PCDHA2: variants seen among roughly 807,000 people sequenced by gnomAD.
The protein encoded by PCDHA2 is protocadherin alpha 2, also known as protocadherin alpha-2.
Under a neutral mutation model 66.0 loss-of-function variants are expected in PCDHA2, and 58 were observed. The ratio of observed to expected loss-of-function variants is 0.88; its 90% CI spans 0.71 to 1.09. PCDHA2 has a LOEUF of 1.09. PCDHA2 is among the 50% of genes least tolerant of loss of function. The pLI, the probability that PCDHA2 is intolerant of heterozygous loss-of-function variation, is 0.00. For missense variants in PCDHA2, 1,267 were observed against 1,242.3 expected, an observed-to-expected ratio of 1.02 and a Z score of -0.30; for synonymous variants, 634 against 554.0, an observed-to-expected ratio of 1.14 and a Z score of -2.03.
At chr5:140,870,019 A>C (rs371365026) in intron 1 of PCDHA2, 6 of 1,613,574 alleles carry the variant, frequency 3.7e-6, no homozygotes, top group Non-Finnish European at 5.1e-6. Context: ...GGTCAATGGA[A>C]CTTTAGATTA....
At chr5:140,864,945 C>A (rs2048665503) in intron 1 of PCDHA2, 1 of 152,120 alleles carries the variant, frequency 6.6e-6, no homozygotes, top group African/African-American at 2.4e-5. Flanking sequence ...GGCCTGTAAT[C>A]CCAGCATTTT....
chr5:140,906,137 G>C (rs1462672499), intron 1 of PCDHA2, among the ~76,000 whole-genome samples: 1 of 152,008 alleles, frequency 6.6e-6, no homozygotes, highest in East Asian at 1.9e-4. Context: ...AGTCTCCTTT[G>C]ATAACACCCT....
chr5:140,966,714 G>C, intron 1 of PCDHA2: 1 of 1,394,064 alleles, frequency 7.2e-7, no homozygotes, highest in South Asian at 1.6e-5. Flanking sequence ...GGCACGGCTG[G>C]GGAAGCTGCC....
At chr5:140,828,179 C>G (rs1377583653) in intron 1 of PCDHA2, 3 of 1,614,168 alleles carry the variant, frequency 1.9e-6, no homozygotes, top group Non-Finnish European at 2.5e-6. Context: ...GGGGAGCGGC[C>G]AGCTCCACTA....
rs2150380022 is a variant in PCDHA2, at chr5:140,845,577, T to A, written c.2388+48225T>A. 1.2e-4 allele frequency among the ~76,000 whole-genome samples: 18 copies of A among 149,706 alleles called. 1 individual carries two copies. The highest frequency in any genetic ancestry group is 6.9e-3 in the Middle Eastern group (2 of 290). On this transcript the variant is annotated intron_variant, in intron 1 of 3. Transcript: ENST00000526136. The stretch of plus-strand genomic sequence containing the variant: ...TTTTAGCTATTAAGAATTTCTGGGA[T>A]TGAAATGTGTCAGAAGTTAGTTATT...
At chr5:140,960,265 T>A (rs1380537220) in intron 1 of PCDHA2, among the ~76,000 whole-genome samples, 2 of 152,174 alleles carry the variant, frequency 1.3e-5, no homozygotes, top group African/African-American at 4.8e-5. Context: ...TTCTGATAAA[T>A]TCCGTCACCT....
intron 1 of PCDHA2, chr5:140,822,257 T>C (rs2150114908): frequency 4.3e-6 from 7 of 1,614,128 alleles, no homozygotes; most frequent in Non-Finnish European, 1.7e-6. Context: ...GATTTGGATA[T>C]TGGAGCAAAT....
intron 1 of PCDHA2, chr5:140,802,144 A>G (rs782702448): frequency 1.2e-6 from 2 of 1,614,262 alleles, no homozygotes; most frequent in African/African-American, 1.3e-5. Flanking sequence ...AGTAAGTCAT[A>G]TGAAATCCAG....
rs868938085 is a variant in PCDHA2, at chr5:140,882,236, T to C, written c.2388+84884T>C. On this transcript the variant is annotated intron_variant, in intron 1 of 3. Coordinates refer to ENST00000526136, the MANE Select transcript of PCDHA2 (RefSeq NM_018905.3). ...AGTTTGAGGTAAGGCGTTGTATATA[T>C]TGCAGATAGCTCTGAGGTTTTTGGA... 7.6e-6 allele frequency: 12 copies of C among 1,581,516 alleles called. 1 individual carries two copies. The Middle Eastern group carries it at 1.0e-3, about 134-fold the overall frequency.
intron 1 of PCDHA2, chr5:140,850,637 G>A: frequency 6.3e-7 from 1 of 1,598,640 alleles, no homozygotes; most frequent in Non-Finnish European, 8.6e-7. Flanking sequence ...TGGTTCTCAC[G>A]CTGCTGCTGT....
chr5:140,815,774 T>G (rs1765791650), intron 1 of PCDHA2: 1 of 152,220 alleles, frequency 6.6e-6, no homozygotes, highest in Admixed American at 6.5e-5. Context: ...AGTCTAATTG[T>G]GATCACCTTC....
chr5:140,855,887 C>A, intron 1 of PCDHA2: 1 of 985,610 alleles, frequency 1.0e-6, no homozygotes, highest in Non-Finnish European at 1.5e-6. Flanking sequence ...CTTTTTAGAA[C>A]AAAGGCATCA....
intron 1 of PCDHA2, chr5:140,802,493 G>A (rs782338316): frequency 1.2e-6 from 2 of 1,614,166 alleles, no homozygotes; most frequent in Admixed American, 1.7e-5. Context: ...ACGGGGGCTC[G>A]CCTTCACTGT....
intron 3 of PCDHA2, chr5:140,988,926 A>C (rs562175503): frequency 6.6e-6 from 1 of 152,238 alleles, no homozygotes; most frequent in Non-Finnish European, 1.5e-5. Flanking sequence ...ATAGAACAAC[A>C]CTGTTCTCTT....
At chr5:140,927,400 C>A in intron 1 of PCDHA2, 1 of 1,614,126 alleles carries the variant, frequency 6.2e-7, no homozygotes, top group Non-Finnish European at 8.5e-7. Context: ...TCAGCACTTT[C>A]GCCTGGACAT....
At chr5:140,950,384 T>C (rs1242946878) in intron 1 of PCDHA2, among the ~76,000 whole-genome samples, 8 of 152,028 alleles carry the variant, frequency 5.3e-5, no homozygotes, top group Non-Finnish European at 8.8e-5. Context: ...TCCATTTGAA[T>C]GATATAGAAT....
At chr5:140,948,819 A>G (rs1332127797) in intron 1 of PCDHA2, among the ~76,000 whole-genome samples, 5 of 151,420 alleles carry the variant, frequency 3.3e-5, no homozygotes, top group Middle Eastern at 3.4e-3. Context: ...TTTCTATTTC[A>G]TTAATTTCTG....
intron 1 of PCDHA2, chr5:140,867,128 A>G (rs1328487179): frequency 2.0e-5 from 3 of 152,164 alleles, no homozygotes; most frequent in African/African-American, 4.8e-5. Flanking sequence ...TAATTCAAAT[A>G]TGTGATATTA....
At chr5:140,926,512 C>T in intron 1 of PCDHA2, 1 of 197,914 alleles carries the variant, frequency 5.1e-6, no homozygotes. Context: ...GTCTCCCAGG[C>T]TCCGCCCTGC....
Sources: gnomAD v4.1 joint callset for allele counts (sites outside exome capture counted in the v4.1 genomes callset) on GRCh38, gnomAD v4.1.1 for gene constraint, MANE v1.5 for transcripts, NCBI Gene and HGNC (gene_info 2026-07-23, HGNC 2026-07-21) for gene names.